Variants in SCIN observed in about 807,000 individuals in gnomAD.
The protein encoded by SCIN is scinderin.
A neutral mutation model predicts 91.8 loss-of-function variants in SCIN; 91 were observed. The observed-to-expected ratio is 0.99, with a 90% confidence interval of 0.84 to 1.18. The LOEUF (loss-of-function observed/expected upper bound fraction) is 1.18, where lower values mean the gene tolerates loss of function less well. Ranked by LOEUF, SCIN falls within the 50% of genes most tolerant of loss-of-function variation. The pLI is 0.00. For synonymous variants in SCIN, 367 were observed against 312.6 expected, an observed-to-expected ratio of 1.17 and a Z score of -1.84; for missense variants, 1,087 against 863.9, an observed-to-expected ratio of 1.26 and a Z score of -3.24.
intron 13 of SCIN, 103 bp downstream of exon 13, chr7:12,644,808 G>T (rs1783927850): frequency 1.7e-6 from 2 of 1,157,342 alleles, no homozygotes; most frequent in African/African-American, 1.6e-5. Context: ...CTGAGGTCAG[G>T]AGTTCGAGAC....
chr7:12,597,244 G>C (rs1782862206), intron 3 of SCIN, among the ~76,000 whole-genome samples: 1 of 152,138 alleles, frequency 6.6e-6, no homozygotes. Flanking sequence ...ACTATACTTA[G>C]AGAACCTCTA....
chr7:12,607,765 T>A (rs1245066344), intron 4 of SCIN, among the ~76,000 whole-genome samples: 2 of 152,234 alleles, frequency 1.3e-5, no homozygotes, highest in Non-Finnish European at 2.9e-5. Context: ...CTTTTGGAAA[T>A]GTAGTTTTGT....
At position 12,604,612 on chromosome 7, in the gene SCIN, G is replaced by A. The variant is rs1783033347; in HGVS notation, c.615G>A (p.Arg205=). The change falls in exon 4 of 16, where the codon AGG becomes AGA. Residue 205 remains arginine (R), a synonymous_variant. Coordinates refer to ENST00000297029, the MANE Select transcript of SCIN (RefSeq NM_001112706.3). ...TTCGGTACAATGAAAGGAAAGGAAGGTCTGAACTAATTGTCGTGGAAGAAG... is the reference window on the plus strand; with the variant it reads ...TTCGGTACAATGAAAGGAAAGGAAGATCTGAACTAATTGTCGTGGAAGAAG... The part of the protein sequence containing the change: ...TGIRYNERKG[R]SELIVVEEGS... 4.5e-6 allele frequency: 7 copies of A among 1,551,872 alleles called. No homozygotes were observed. The highest frequency in any genetic ancestry group is 3.9e-5 in the Admixed American group (2 of 50,966).
Position 12,626,608 on chromosome 7 carries a change from G to A in SCIN, c.1006G>A (p.Glu336Lys). 1 of 1,550,686 alleles carries A rather than the reference G, an allele frequency of 6.4e-7. No homozygotes were observed. Among genetic ancestry groups the A allele is most frequent in the Non-Finnish European group, 8.7e-7 (1 of 1,146,450 alleles). Residue 336 changes from glutamate to lysine, a missense_variant, in exon 8 of 16, where the codon GAA becomes AAA. Coordinates refer to ENST00000297029, the MANE Select transcript of SCIN (RefSeq NM_001112706.3). ...TQIQVLPEGG[E>K]TPIFKQFFKD... ...GATTCAAGTTCTTCCAGAAGGAGGT[G>A]AAACACCAATCTTCAAACAGTTTTT...
At position 12,626,596 on chromosome 7, in the gene SCIN, C is replaced by T. The variant is rs1193398179; in HGVS notation, c.994C>T (p.Pro332Ser). The T allele has an allele frequency of 1.9e-6, 3 of 1,546,044 alleles. No homozygotes were observed. Among genetic ancestry groups the T allele is most frequent in the Admixed American group, 3.9e-5 (2 of 50,716 alleles). The change falls in exon 8 of 16, where the codon CCA becomes TCA. Residue 332 changes from proline to serine, a missense_variant. Transcript: ENST00000297029. ...TTTTAAATTTCAGATTCAAGTTCTT[C>T]CAGAAGGAGGTGAAACACCAATCTT... is the stretch of plus-strand genomic sequence containing the variant. Reference protein sequence around the residue: ...YSKNTQIQVLPEGGETPIFKQ... With the variant: ...YSKNTQIQVLSEGGETPIFKQ...
In SCIN at chr7:12,658,156, A is replaced by G. The variant is rs1784204664; in HGVS notation, c.*5441A>G. ...ATAAAACTAATGTTGATGTTATCCA[A>G]ATCATTCTAACGCCAACTTCTAGGT... is the stretch of plus-strand genomic sequence containing the variant. On this transcript the variant is annotated 3_prime_UTR_variant, in exon 16 of 16. Transcript: ENST00000297029. 1.3e-5 allele frequency: 2 copies of G among 152,346 alleles called. No individual in the cohort carries two copies. The highest frequency in any genetic ancestry group is 2.4e-5 in the African/African-American group (1 of 41,586). The allele number at this position is 152,346 out of a possible 1,614,324, so 9.4% of individuals were successfully genotyped here.
intron 3 of SCIN, among the ~76,000 whole-genome samples, chr7:12,603,699 G>T (rs1462708834): frequency 1.3e-5 from 2 of 151,950 alleles, no homozygotes; most frequent in African/African-American, 2.4e-5. Context: ...AATCTAAATG[G>T]TAGCTAATAT....
chr7:12,577,730 C>G, intron 1 of SCIN: 1 of 402,950 alleles, frequency 2.5e-6, no homozygotes, highest in South Asian at 2.0e-5. Flanking sequence ...GTGGCACGCA[C>G]CTGTAGTCCA....
In SCIN at chr7:12,580,988, T is replaced by A. The variant is rs1367391233; in HGVS notation, c.355-72T>A. The A allele has an allele frequency of 1.0e-5, 15 of 1,464,984 alleles. No individual in the cohort carries two copies. The African/African-American group carries it at 2.0e-4, about 19-fold the overall frequency. 90.7% of individuals were successfully genotyped at this position (1,464,984 alleles called of 1,614,324 possible). ...AAACACCAGCAGTATTATTGTGCTT[T>A]GCTTTGTCTAGGCAGACACCTCATC... On this transcript the variant is annotated intron_variant, in intron 2 of 15. Coordinates refer to ENST00000297029, the MANE Select transcript of SCIN (RefSeq NM_001112706.3).
chr7:12,593,997 C>G (rs187691784), intron 3 of SCIN, among the ~76,000 whole-genome samples: 13 of 152,188 alleles, frequency 8.5e-5, no homozygotes, highest in South Asian at 2.1e-4. Flanking sequence ...GAGAAGGACC[C>G]GAGACGTTCT....
intron 3 of SCIN, among the ~76,000 whole-genome samples, chr7:12,598,767 G>C (rs1310316563): frequency 1.3e-5 from 2 of 152,066 alleles, no homozygotes; most frequent in Non-Finnish European, 2.9e-5. Context: ...AAGTTCGCTA[G>C]GCGTGGTGGC....
chr7:12,633,887 A>G (rs2115283946), intron 9 of SCIN, among the ~76,000 whole-genome samples: 1 of 152,154 alleles, frequency 6.6e-6, no homozygotes, highest in Admixed American at 6.5e-5. Flanking sequence ...TAGGCTATTG[A>G]CATTAAAACA....
chr7:12,644,305 C>T lies in SCIN; in HGVS notation c.1749C>T (p.Gly583=), dbSNP rs369378047. ...GCAAAACCTTAAGGATCCAAGAAGG[C>T]GAGGAGCCAGGTGTGTGCTCTGGGG... ...LKCKTLRIQE[G]EEPEEFWNSL... The change falls in exon 12 of 16, where the codon GGC becomes GGT. Residue 583 remains glycine, a synonymous_variant. Transcript: ENST00000297029. The T allele has an allele frequency of 1.6e-5, 25 of 1,583,322 alleles. No homozygotes were observed. Among genetic ancestry groups the T allele is most frequent in the African/African-American group, 6.7e-5 (5 of 74,282 alleles).
Position 12,577,004 on chromosome 7 carries a change from A to G in SCIN, c.200-1060A>G, listed in dbSNP as rs116757558. Among the ~76,000 whole-genome samples the G allele has an allele frequency of 2.8e-3, 428 of 152,294 alleles. 5 individuals carry two copies. Among genetic ancestry groups the G allele is most frequent in the African/African-American group, 9.9e-3 (411 of 41,556 alleles). ...GTGAGTGCCCCTCCTGACTGTCCGT[A>G]CTGTATCCTTTATGTACACTACAGA... is the stretch of plus-strand genomic sequence containing the variant. On this transcript the variant is annotated intron_variant, in intron 1 of 15. Coordinates refer to ENST00000297029, the MANE Select transcript of SCIN (RefSeq NM_001112706.3).
At chr7:12,637,781 T>C (rs1302152633) in intron 10 of SCIN, among the ~76,000 whole-genome samples, 1 of 152,102 alleles carries the variant, frequency 6.6e-6, no homozygotes, top group African/African-American at 2.4e-5. Flanking sequence ...AAAATGAAAA[T>C]TTCATGTAAT....
At chr7:12,578,463 A>G (rs759697618) in intron 2 of SCIN, among the ~76,000 whole-genome samples, 3 of 152,122 alleles carry the variant, frequency 2.0e-5, no homozygotes, top group African/African-American at 4.8e-5. Flanking sequence ...TTGATAGGTT[A>G]ATTTTTTAAA....
chr7:12,604,492 C>T, intron 3 of SCIN, 22 bp from the exon 4 acceptor site: 1 of 1,549,740 alleles, frequency 6.5e-7, no homozygotes. Context: ...TTAGGGTCAA[C>T]AGATCTGTCT....
rs1315663105 is a variant in SCIN at position 12,660,146 on chromosome 7, A to G, written c.*7431A>G. 6.6e-6 allele frequency: 1 copy of G among 152,616 alleles called. No homozygotes were observed. Among genetic ancestry groups the G allele is most frequent in the African/African-American group, 2.4e-5 (1 of 41,454 alleles). 9.5% of individuals were successfully genotyped at this position (152,616 alleles called of 1,614,324 possible). A position where few individuals can be genotyped will look rare whatever the true frequency, so the allele number is the denominator to read the frequency against. ...CTCTTTTCGGACTCAGCCCGCCTGC[A>G]CCCAGGTGAAATAAACAGCCTTGTT... On this transcript the variant is annotated 3_prime_UTR_variant, in exon 16 of 16. Coordinates refer to ENST00000297029, the MANE Select transcript of SCIN (RefSeq NM_001112706.3).
At chr7:12,631,533 A>G (rs934274477) in intron 9 of SCIN, among the ~76,000 whole-genome samples, 10 of 152,146 alleles carry the variant, frequency 6.6e-5, no homozygotes, top group Non-Finnish European at 1.2e-4. Flanking sequence ...TGAATGGATG[A>G]GTTCATTAAT....
Sources: allele counts gnomAD v4.1 joint callset (sites outside exome capture counted in the v4.1 genomes callset), GRCh38; gene constraint gnomAD v4.1.1; transcripts MANE v1.5; gene names NCBI Gene and HGNC (gene_info 2026-07-23, HGNC 2026-07-21).